The following UGP2 variants were observed in gnomAD, a reference collection of about 807,000 sequenced individuals.
The protein encoded by UGP2 is UTP--glucose-1-phosphate uridylyltransferase.
Under a neutral mutation model 49.0 loss-of-function variants are expected in UGP2, and 40 were observed. The ratio of observed to expected loss-of-function variants is 0.82; its 90% CI spans 0.63 to 1.06. The LOEUF is 1.06. UGP2 is among the 50% of genes least tolerant of loss of function. The pLI, the probability that UGP2 is intolerant of heterozygous loss-of-function variation, is 0.00. For synonymous variants in UGP2, 225 were observed against 213.0 expected (o/e 1.06, Z -0.49); for missense variants, 460 against 603.5 (o/e 0.76, Z 2.49).
chr2:63,887,787 A>G, intron 8 of UGP2, 143 bp downstream of exon 8: 2 of 1,070,540 alleles, frequency 1.9e-6, no homozygotes, highest in Non-Finnish European at 2.7e-6. Context: ...TTTAAAGGGA[A>G]TTGACCATAG....
intron 3 of UGP2, among the ~76,000 whole-genome samples, chr2:63,880,089 A>G (rs544001623): frequency 1.8e-4 from 27 of 152,250 alleles, no homozygotes; most frequent in Admixed American, 1.4e-3. Context: ...CTTGTAAACT[A>G]ATAATAGGCT....
chr2:63,855,213 AT>A (rs1477646622), intron 1 of UGP2, among the ~76,000 whole-genome samples: 46 of 152,360 alleles, frequency 3.0e-4, no homozygotes, highest in African/African-American at 1.1e-3. Context: ...AAGTGAAAGA[AT>A]TTATAGTAGG....
chr2:63,888,841 G>C (rs1016584690), intron 8 of UGP2: 5 of 152,214 alleles, frequency 3.3e-5, no homozygotes, highest in Non-Finnish European at 7.3e-5. Flanking sequence ...AGCACTATCT[G>C]TGGACCTGCT....
intron 3 of UGP2, among the ~76,000 whole-genome samples, chr2:63,870,833 A>T (rs1175773209): frequency 6.6e-6 from 1 of 152,188 alleles, no homozygotes; most frequent in Non-Finnish European, 1.5e-5. Context: ...AACTTAGCAG[A>T]CAGTTTGGAG....
chr2:63,872,766 C>T (rs940721042), intron 3 of UGP2, among the ~76,000 whole-genome samples: 1 of 151,486 alleles, frequency 6.6e-6, no homozygotes, highest in African/African-American at 2.4e-5. Context: ...CTCACTGCAG[C>T]CAGCTATTGC....
chr2:63,866,739 G>A (rs966348377), intron 3 of UGP2, among the ~76,000 whole-genome samples: 2 of 152,144 alleles, frequency 1.3e-5, no homozygotes, highest in Admixed American at 6.6e-5. Flanking sequence ...GCAAGGTAGT[G>A]GGGGCCATGC....
intron 5 of UGP2, among the ~76,000 whole-genome samples, chr2:63,884,833 C>T (rs1182584309): frequency 2.0e-5 from 3 of 151,808 alleles, no homozygotes; most frequent in Non-Finnish European, 4.4e-5. Flanking sequence ...CACTTGAGCC[C>T]AGGAGGTCGA....
At chr2:63,857,315 A>C (rs1294775470) in intron 2 of UGP2, among the ~76,000 whole-genome samples, 1 of 151,858 alleles carries the variant, frequency 6.6e-6, no homozygotes, top group East Asian at 1.9e-4. Flanking sequence ...AAAAAAAAAA[A>C]AGTACAGAGC....
chr2:63,841,888 C>T (rs62621453), upstream of UGP2: 8,912 of 351,404 alleles, frequency 0.025, 121 homozygotes, highest in East Asian at 0.035. Context: ...TGTGGTTTTA[C>T]CTTTTCCGGG....
intron 8 of UGP2, chr2:63,888,911 C>T (rs987227203): frequency 1.3e-5 from 2 of 152,254 alleles, no homozygotes; most frequent in African/African-American, 2.4e-5. Flanking sequence ...TGAAATGTGA[C>T]ACTGTGAGCC....
intron 3 of UGP2, among the ~76,000 whole-genome samples, chr2:63,871,995 A>G (rs1263412810): frequency 6.6e-6 from 1 of 152,256 alleles, no homozygotes; most frequent in Non-Finnish European, 1.5e-5. Context: ...TACTCAATTC[A>G]GCCATGGTAG....
intron 3 of UGP2, among the ~76,000 whole-genome samples, chr2:63,867,987 A>G (rs10175439): frequency 1.3e-3 from 200 of 152,298 alleles, no homozygotes; most frequent in African/African-American, 4.4e-3. Flanking sequence ...TTAGGTGACT[A>G]TTTTGTTTAA....
At chr2:63,879,900 T>C (rs1347352109) in intron 3 of UGP2, among the ~76,000 whole-genome samples, 1 of 152,222 alleles carries the variant, frequency 6.6e-6, no homozygotes, top group Non-Finnish European at 1.5e-5. Flanking sequence ...CTAAAAATTT[T>C]ACCTAAAATG....
intron 2 of UGP2, chr2:63,856,699 T>C (rs1669459624): frequency 7.9e-6 from 4 of 506,314 alleles, no homozygotes; most frequent in Middle Eastern, 2.9e-4. Flanking sequence ...TTGTTCTGTG[T>C]TTTGATGTCA....
chr2:63,852,842 T>C (rs960433089), intron 1 of UGP2, among the ~76,000 whole-genome samples: 2 of 152,198 alleles, frequency 1.3e-5, no homozygotes, highest in Non-Finnish European at 2.9e-5. Context: ...TAAACCTTAG[T>C]TTCTACGGAA....
chr2:63,859,087 C>T (rs1669653746), intron 3 of UGP2: 1 of 151,620 alleles, frequency 6.6e-6, no homozygotes, highest in Non-Finnish European at 1.5e-5. Flanking sequence ...CTCTATTTCC[C>T]TGGGCTTGTG....
chr2:63,873,505 T>C (rs1024828618), intron 3 of UGP2, among the ~76,000 whole-genome samples: 1 of 152,138 alleles, frequency 6.6e-6, no homozygotes, highest in African/African-American at 2.4e-5. Context: ...GGTGAACTAG[T>C]CTGAAAGAGG....
intron 1 of UGP2, among the ~76,000 whole-genome samples, chr2:63,852,795 G>C (rs1264977567): frequency 6.6e-6 from 1 of 152,226 alleles, no homozygotes; most frequent in Non-Finnish European, 1.5e-5. Flanking sequence ...CCAATGTGAG[G>C]GGAAAGGTGG....
Position 63,882,606 on chromosome 2 carries a change from G to A in UGP2, c.396G>A (p.Val132=). The A allele has an allele frequency of 6.2e-7, 1 of 1,605,422 alleles. No homozygotes were observed. Among genetic ancestry groups the A allele is most frequent in the Non-Finnish European group, 8.5e-7 (1 of 1,173,844 alleles). Residue 132 remains valine (V), a synonymous_variant, in exon 4 of 10, where the codon GTG becomes GTA. Coordinates refer to ENST00000337130, the MANE Select transcript of UGP2 (RefSeq NM_006759.4). ...AAGGCCCTAAAAGTCTGATTGGTGT[G>A]AGGAATGAGAATACCTTTCTGGATC... is the stretch of plus-strand genomic sequence containing the variant. ...GCKGPKSLIG[V]RNENTFLDLT... is the part of the protein sequence containing the mutation.
Sources: gnomAD v4.1 joint callset for allele counts (sites outside exome capture counted in the v4.1 genomes callset) on GRCh38, gnomAD v4.1.1 for gene constraint, MANE v1.5 for transcripts, NCBI Gene and HGNC (gene_info 2026-07-23, HGNC 2026-07-21) for gene names.